Variants in SLC6A12 observed in about 807,000 individuals in gnomAD.
SLC6A12 encodes the protein sodium- and chloride-dependent betaine transporter.
Under a neutral mutation model 73.3 loss-of-function variants are expected in SLC6A12, and 50 were observed. The ratio of observed to expected loss-of-function variants is 0.68; its 90% CI spans 0.54 to 0.86. The LOEUF is 0.86. SLC6A12 is among the 40% of genes least tolerant of loss of function. The pLI is 0.00. For synonymous variants in SLC6A12, 304 were observed against 309.2 expected (o/e 0.98, Z 0.18); for missense variants, 648 against 772.8 (o/e 0.84, Z 1.92).
At chr12:187,145 G>A (rs759951494), downstream of SLC6A12, among the ~76,000 whole-genome samples, 4 of 152,178 alleles carry the variant, frequency 2.6e-5, no homozygotes, top group Admixed American at 6.5e-5. Flanking sequence ...TGCCACACTG[G>A]CCAAATTGTA....
chr12:191,050 C>T lies in SLC6A12; in HGVS notation c.*18G>A. 7.7e-7 allele frequency: 1 copy of T among 1,303,016 alleles called. No individual in the cohort carries two copies. The allele number at this position is 1,303,016 out of a possible 1,614,324, so 80.7% of individuals were successfully genotyped here. A position where few individuals can be genotyped will look rare whatever the true frequency, so the allele number is the denominator to read the frequency against. ...CCTAGGTTCCCGGCTTAGGAGCCGC[C>T]TGGCCTCTGGCCACACCCTACAAAT... On this transcript the variant is annotated 3_prime_UTR_variant, in exon 16 of 16. Coordinates refer to ENST00000684302, the MANE Select transcript of SLC6A12 (RefSeq NM_001122848.3).
In SLC6A12 at chr12:209,765, G is replaced by A. The variant is rs977836351; in HGVS notation, c.214+8C>T. 1.9e-6 allele frequency: 3 copies of A among 1,614,014 alleles called. No individual in the cohort carries two copies. Among genetic ancestry groups the A allele is most frequent in the Non-Finnish European group, 2.5e-6 (3 of 1,180,016 alleles). ...CTCCCCACCATGCCTACCTCAAAGTGAACTCACCACCTCCGTTTTTGTAGC... is the reference window on the plus strand; with the variant it reads ...CTCCCCACCATGCCTACCTCAAAGTAAACTCACCACCTCCGTTTTTGTAGC... On this transcript the variant is annotated splice_region_variant and intron_variant, in intron 3 of 15. Transcript: ENST00000684302.
At chr12:206,423 G>A (rs1021758644) in intron 3 of SLC6A12, among the ~76,000 whole-genome samples, 5 of 152,142 alleles carry the variant, frequency 3.3e-5, no homozygotes, top group Admixed American at 6.5e-5. Context: ...TCTTTTTGAA[G>A]GCTACGTACT....
At chr12:188,383 G>A (rs1441684230), downstream of SLC6A12, among the ~76,000 whole-genome samples, 1 of 152,066 alleles carries the variant, frequency 6.6e-6, no homozygotes, top group Non-Finnish European at 1.5e-5. Context: ...GGGGCCCGCC[G>A]AGCCCACGCC....
chr12:191,224 G>A lies in SLC6A12; in HGVS notation c.1702-13C>T. 1 of 1,261,494 alleles carries A rather than the reference G, an allele frequency of 7.9e-7. No homozygotes were observed. The allele number at this position is 1,261,494 out of a possible 1,614,324, so 78.1% of individuals were successfully genotyped here. ...GCTGACGCAGACGCTGTGGAGAGAA[G>A]AGGCAGGGATTTGGAGCTGATGGTG... On this transcript the variant is annotated splice_polypyrimidine_tract_variant and intron_variant, in intron 15 of 15. Transcript: ENST00000684302.
intron 10 of SLC6A12, among the ~76,000 whole-genome samples, chr12:197,175 AT>A (rs1939950583): frequency 1.5e-5 from 1 of 67,836 alleles, no homozygotes; most frequent in African/African-American, 4.9e-5. Context: ...CCATCCATCC[AT>A]CCATCCATCC....
chr12:205,544 C>T (rs928825292), intron 3 of SLC6A12, among the ~76,000 whole-genome samples: 9 of 152,158 alleles, frequency 5.9e-5, no homozygotes, highest in Non-Finnish European at 8.8e-5. Flanking sequence ...ACGGAAAAAC[C>T]GAAGCATGAA....
chr12:187,017 G>C (rs1030327283), downstream of SLC6A12, among the ~76,000 whole-genome samples: 1 of 152,230 alleles, frequency 6.6e-6, no homozygotes, highest in Admixed American at 6.5e-5. Context: ...CTAGGGCACA[G>C]ATTATGAATT....
intron 10 of SLC6A12, among the ~76,000 whole-genome samples, 180 bp downstream of exon 10, chr12:197,197 T>TCCATCTATCCATCCATCTATC (rs1939960234): frequency 1.6e-4 from 1 of 6,174 alleles, no homozygotes; most frequent in African/African-American, 7.8e-4. Flanking sequence ...ATCCATCCAT[T>TCCATCTATCCATCCATCTATC]CATCCATCCA....
At position 198,532 on chromosome 12, in the gene SLC6A12, C is replaced by CCAG; in HGVS notation, c.846+262_846+264dup. ...TGAGCTATGATGGCACCACTGCACT[C>CCAG]CAGCCTGGGGGACAGAGCCAGACCC... On this transcript the variant is annotated intron_variant, in intron 8 of 15. Transcript: ENST00000684302. This position sits in a 1 kb window ranked among gnomAD's most constrained non-coding sequence, Gnocchi z 4.0. 1 of 346,738 alleles carries CCAG rather than the reference C, an allele frequency of 2.9e-6. No homozygotes were observed. The highest frequency in any genetic ancestry group is 5.3e-6 in the Non-Finnish European group (1 of 190,270). 21.5% of individuals were successfully genotyped at this position (346,738 alleles called of 1,614,324 possible). A position where few individuals can be genotyped will look rare whatever the true frequency, so the allele number is the denominator to read the frequency against.
chr12:211,932 T>C (rs1940918136), intron 2 of SLC6A12, 94 bp downstream of exon 2: 1 of 152,234 alleles, frequency 6.6e-6, no homozygotes, highest in African/African-American at 2.4e-5. Flanking sequence ...CTCCACTTTA[T>C]GTGTGAGGAA....
At chr12:195,419 C>T in intron 12 of SLC6A12, 92 bp from the exon 13 acceptor site, 2 of 817,664 alleles carry the variant, frequency 2.4e-6, no homozygotes, top group East Asian at 2.5e-5. Flanking sequence ...ACGTGGGGTG[C>T]ACTCCTGCCC....
chr12:204,672 A>T lies in SLC6A12; in HGVS notation c.241T>A (p.Phe81Ile), dbSNP rs762332877. 6.2e-7 allele frequency: 1 copy of T among 1,614,178 alleles called. No individual in the cohort carries two copies. The highest frequency in any genetic ancestry group is 8.5e-7 in the Non-Finnish European group (1 of 1,180,028). The change falls in exon 4 of 16, where the codon TTC becomes ATC. Residue 81 changes from phenylalanine to isoleucine, a missense_variant. Transcript: ENST00000684302. ...ACCGGGATGCCGCAGACAAAGAAGA[A>T]GATGAAGTAGGGGATGAAGAAGGCT... ...GGAFFIPYFI[F>I]FFVCGIPVFF...
intron 14 of SLC6A12, chr12:192,887 A>G (rs1212483002): frequency 8.4e-6 from 4 of 474,278 alleles, no homozygotes; most frequent in African/African-American, 8.0e-5. Context: ...ACAGACGGAG[A>G]CAGGAGGCGA....
In SLC6A12 at chr12:204,697, T is replaced by G. The variant is rs767474526; in HGVS notation, c.216A>C (p.Gly72=). The change falls in exon 4 of 16, where the codon GGA becomes GGC. Residue 72 remains glycine, a splice_region_variant and synonymous_variant. Transcript: ENST00000684302. ...AGATGAAGTAGGGGATGAAGAAGGC[T>G]CCTGCAGAAGAGAGAGAGGCAGGGC... ...FPYLCYKNGG[G]AFFIPYFIFF... The G allele has an allele frequency of 1.2e-6, 2 of 1,613,804 alleles. No individual in the cohort carries two copies. Among genetic ancestry groups the G allele is most frequent in the Non-Finnish European group, 1.7e-6 (2 of 1,179,998 alleles).
chr12:200,134 G>A (rs1237106331), intron 7 of SLC6A12, among the ~76,000 whole-genome samples: 4 of 134,654 alleles, frequency 3.0e-5, no homozygotes, highest in Admixed American at 1.6e-4. Flanking sequence ...TTTTTGAGAC[G>A]GAGTCTGGCT....
At chr12:204,786 G>GC (rs1940543189) in intron 3 of SLC6A12, 88 bp from the exon 4 acceptor site, 1 of 1,442,964 alleles carries the variant, frequency 6.9e-7, no homozygotes, top group Admixed American at 1.9e-5. Flanking sequence ...CAACAAACCC[G>GC]CCCTCCACCA....
At position 213,085 on chromosome 12, in the gene SLC6A12, G is replaced by A. The variant is rs377477834; in HGVS notation, c.-143+837C>T. ...AGCTGGGGCTAGCAGAGGTGCAGACGAGACCAGAAATGCTGCTGCCCATGT... is the reference window on the plus strand; with the variant it reads ...AGCTGGGGCTAGCAGAGGTGCAGACAAGACCAGAAATGCTGCTGCCCATGT... On this transcript the variant is annotated intron_variant, in intron 1 of 15. Transcript: ENST00000684302. This position sits in a 1 kb window ranked among gnomAD's most constrained non-coding sequence, Gnocchi z 5.3. Among the ~76,000 whole-genome samples, 9 of 152,158 alleles carry A rather than the reference G, an allele frequency of 5.9e-5. No individual in the cohort carries two copies. In the East Asian group the frequency reaches 1.5e-3, roughly 26 times the overall value.
chr12:191,401 C>T (rs547091782), intron 15 of SLC6A12, among the ~76,000 whole-genome samples, 190 bp from the exon 16 acceptor site: 9 of 152,302 alleles, frequency 5.9e-5, no homozygotes, highest in East Asian at 1.9e-4. Context: ...AATGAGTGTG[C>T]GCTGCCTGGG....
Sources: allele counts gnomAD v4.1 joint callset (sites outside exome capture counted in the v4.1 genomes callset), GRCh38; gene constraint gnomAD v4.1.1; non-coding constraint Gnocchi (gnomAD v3.1); transcripts MANE v1.5; gene names NCBI Gene and HGNC (gene_info 2026-07-23, HGNC 2026-07-21).